STAT1: variants seen among roughly 807,000 people sequenced by gnomAD.
The protein encoded by STAT1 is signal transducer and activator of transcription 1-alpha/beta.
STAT1 carries 24 observed loss-of-function variants against 111.7 expected under a neutral mutation model. That is an observed-to-expected ratio of 0.21 (90% CI 0.16 to 0.30). The LOEUF (loss-of-function observed/expected upper bound fraction) is 0.30. Ranked by LOEUF, STAT1 falls within the 10% of genes least tolerant of loss-of-function variation. STAT1 has a pLI of 1.00. For synonymous variants in STAT1, 332 were observed against 326.5 expected (o/e 1.02, Z -0.18); for missense variants, 351 against 911.9 (o/e 0.38, Z 7.92).
chr2:191,013,398 T>A, intron 2 of STAT1, 127 bp downstream of exon 2: 2 of 373,436 alleles, frequency 5.4e-6, no homozygotes. Context: ...GTGGGGGGTC[T>A]GCAAAAACTA....
At chr2:191,013,885 C>T (rs959857312) in intron 1 of STAT1, 133 bp downstream of exon 1, 9 of 382,112 alleles carry the variant, frequency 2.4e-5, no homozygotes, top group Middle Eastern at 6.5e-4. Flanking sequence ...ACTCAGGACG[C>T]GTTCTTCCTC....
chr2:190,981,400 C>A lies in STAT1; in HGVS notation c.1583-731G>T. On this transcript the variant is annotated intron_variant, in intron 18 of 24. Coordinates refer to ENST00000361099, the MANE Select transcript of STAT1 (RefSeq NM_007315.4). This position sits in a 1 kb window ranked among gnomAD's most constrained non-coding sequence, Gnocchi z 4.1. Reference sequence around the variant, plus strand: ...CAAATCAAAAACCAAGTGAGAGAAACGAGAGGAAGAAGCCCGGGGTTATTA... The same window carrying A: ...CAAATCAAAAACCAAGTGAGAGAAAAGAGAGGAAGAAGCCCGGGGTTATTA... Among the ~76,000 whole-genome samples, 1 of 152,298 alleles carries A rather than the reference C, an allele frequency of 6.6e-6. No homozygotes were observed. The highest frequency in any genetic ancestry group is 1.5e-5 in the Non-Finnish European group (1 of 68,020).
rs1691877497 is a variant in STAT1 at position 190,975,973 on chromosome 2, T to C, written c.2060-86A>G. On this transcript the variant is annotated intron_variant, in intron 22 of 24. Transcript: ENST00000361099. This position sits in a 1 kb window ranked among gnomAD's most constrained non-coding sequence, Gnocchi z 5.9. ...CAACTTTTCGGGGGGATTAAAGTTC[T>C]ACTGTGTTTCTAGACAGCTTAGCCT... 8.3e-7 allele frequency: 1 copy of C among 1,205,100 alleles called. No homozygotes were observed. 74.7% of individuals were successfully genotyped at this position (1,205,100 alleles called of 1,614,324 possible). A position where few individuals can be genotyped will look rare whatever the true frequency, so the allele number is the denominator to read the frequency against.
chr2:190,988,863 A>G (rs1693080722), intron 12 of STAT1, among the ~76,000 whole-genome samples: 1 of 152,030 alleles, frequency 6.6e-6, no homozygotes, highest in African/African-American at 2.4e-5. Context: ...AAACTTGCCA[A>G]AACAGTATGT....
chr2:191,000,706 G>A lies in STAT1; in HGVS notation c.462+368C>T, dbSNP rs1382502366. 6.6e-6 allele frequency among the ~76,000 whole-genome samples: 1 copy of A among 152,150 alleles called. No individual in the cohort carries two copies. Among genetic ancestry groups the A allele is most frequent in the African/African-American group, 2.4e-5 (1 of 41,428 alleles). ...TTCCAAGTCTTAGGATAAAACAGATGACTGGGAAGGATGGGCCATGTTTAT... is the reference window on the plus strand; with the variant it reads ...TTCCAAGTCTTAGGATAAAACAGATAACTGGGAAGGATGGGCCATGTTTAT... On this transcript the variant is annotated intron_variant, in intron 6 of 24. Coordinates refer to ENST00000361099, the MANE Select transcript of STAT1 (RefSeq NM_007315.4). This position sits in a 1 kb window ranked among gnomAD's most constrained non-coding sequence, Gnocchi z 4.8.
In STAT1 at chr2:191,006,500, G is replaced by C. The variant is rs547801182; in HGVS notation, c.372+1063C>G. On this transcript the variant is annotated intron_variant, in intron 5 of 24. Coordinates refer to ENST00000361099, the MANE Select transcript of STAT1 (RefSeq NM_007315.4). This position sits in a 1 kb window ranked among gnomAD's most constrained non-coding sequence, Gnocchi z 4.6. ...GGGACAAATGCTCAGGCAGTGTGTG[G>C]AGAATGGCATCCTCCACCACACCTA... Among the ~76,000 whole-genome samples, 1 of 152,306 alleles carries C rather than the reference G, an allele frequency of 6.6e-6. No individual in the cohort carries two copies. Among genetic ancestry groups the C allele is most frequent in the African/African-American group, 2.4e-5 (1 of 41,568 alleles).
chr2:190,998,744 C>G lies in STAT1; in HGVS notation c.542-436G>C, dbSNP rs1207446370. 6.6e-6 allele frequency among the ~76,000 whole-genome samples: 1 copy of G among 150,824 alleles called. No homozygotes were observed. The highest frequency in any genetic ancestry group is 2.4e-5 in the African/African-American group (1 of 41,110). On this transcript the variant is annotated intron_variant, in intron 7 of 24. Coordinates refer to ENST00000361099, the MANE Select transcript of STAT1 (RefSeq NM_007315.4). This position sits in a 1 kb window ranked among gnomAD's most constrained non-coding sequence, Gnocchi z 4.1. ...TGTAAATCAGACATAGTAGTATCTG[C>G]CACTTAAGACACTGTCAGGTAATTA...
Position 190,999,019 on chromosome 2 carries a change from C to G in STAT1, c.541+607G>C, listed in dbSNP as rs983637861. On this transcript the variant is annotated intron_variant, in intron 7 of 24. Transcript: ENST00000361099. The surrounding 1 kb of genome is among the most constrained non-coding windows in gnomAD (Gnocchi z 4.1). The stretch of plus-strand genomic sequence containing the variant: ...ATACCCCAGATGATGAATAGAGTAA[C>G]AGCAGTACCCTACGTGTCCTACACA... Among the ~76,000 whole-genome samples the G allele has an allele frequency of 2.6e-5, 4 of 152,128 alleles. No individual in the cohort carries two copies. Among genetic ancestry groups the G allele is most frequent in the African/African-American group, 9.7e-5 (4 of 41,426 alleles).
In STAT1 at chr2:190,975,626, CTT is replaced by C. The variant is rs397840071; in HGVS notation, c.2135+184_2135+185del. On this transcript the variant is annotated intron_variant, in intron 23 of 24. Coordinates refer to ENST00000361099, the MANE Select transcript of STAT1 (RefSeq NM_007315.4). This position sits in a 1 kb window ranked among gnomAD's most constrained non-coding sequence, Gnocchi z 5.9. ...CCTTAAATACAAATTTGGTTTTTGG[CTT>C]TTTTTTTTTTTTTAAAGTAGTAAAA... 9,055 of 1,272,938 alleles carry C rather than the reference CTT, an allele frequency of 7.1e-3. No individual in the cohort carries two copies. Among genetic ancestry groups the C allele is most frequent in the East Asian group, 0.016 (532 of 34,162 alleles). 78.9% of individuals were successfully genotyped at this position (1,272,938 alleles called of 1,614,324 possible). A position where few individuals can be genotyped will look rare whatever the true frequency, so the allele number is the denominator to read the frequency against.
rs186274282 is a variant in STAT1 at position 190,973,091 on chromosome 2, G to C, written c.2238+1739C>G. Among the ~76,000 whole-genome samples the C allele has an allele frequency of 6.6e-6, 1 of 152,220 alleles. No homozygotes were observed. The highest frequency in any genetic ancestry group is 1.9e-4 in the East Asian group (1 of 5,180). On this transcript the variant is annotated intron_variant, in intron 24 of 24. Coordinates refer to ENST00000361099, the MANE Select transcript of STAT1 (RefSeq NM_007315.4). The surrounding 1 kb of genome is among the most constrained non-coding windows in gnomAD (Gnocchi z 4.4). Reference sequence around the variant, plus strand: ...ATAATGGTGATGACAGAGATGGAATGCTGATTGCCAAATCCCAAACACATA... The same window carrying C: ...ATAATGGTGATGACAGAGATGGAATCCTGATTGCCAAATCCCAAACACATA...
Position 190,979,439 on chromosome 2 carries a change from A to T in STAT1, c.1727+333T>A, listed in dbSNP as rs930086311. The stretch of plus-strand genomic sequence containing the variant: ...CTGGCAATAAGTCAAGATAGAAATG[A>T]TTTACCCAGTTAAAAGGGTTTTTCT... On this transcript the variant is annotated intron_variant, in intron 20 of 24. Transcript: ENST00000361099. The surrounding 1 kb of genome is among the most constrained non-coding windows in gnomAD (Gnocchi z 5.8). Among the ~76,000 whole-genome samples the T allele has an allele frequency of 2.6e-5, 4 of 152,198 alleles. No homozygotes were observed. The highest frequency in any genetic ancestry group is 9.7e-5 in the African/African-American group (4 of 41,450).
rs1694689368 is a variant in STAT1 at position 191,006,297 on chromosome 2, C to G, written c.372+1266G>C. 6.6e-6 allele frequency among the ~76,000 whole-genome samples: 1 copy of G among 152,218 alleles called. No individual in the cohort carries two copies. Among genetic ancestry groups the G allele is most frequent in the Non-Finnish European group, 1.5e-5 (1 of 68,038 alleles). ...CTTTCAGAGGAGACAACCTGGCCAGCTTCTCCTCCAGCGTTGATATACACC... is the reference window on the plus strand; with the variant it reads ...CTTTCAGAGGAGACAACCTGGCCAGGTTCTCCTCCAGCGTTGATATACACC... On this transcript the variant is annotated intron_variant, in intron 5 of 24. Transcript: ENST00000361099. This position sits in a 1 kb window ranked among gnomAD's most constrained non-coding sequence, Gnocchi z 4.6.
In STAT1 at chr2:190,996,682, T is replaced by A. The variant is rs1223545028; in HGVS notation, c.785+1174A>T. Among the ~76,000 whole-genome samples the A allele has an allele frequency of 6.6e-6, 1 of 152,200 alleles. No individual in the cohort carries two copies. The highest frequency in any genetic ancestry group is 1.9e-4 in the East Asian group (1 of 5,196). On this transcript the variant is annotated intron_variant, in intron 9 of 24. Transcript: ENST00000361099. The surrounding 1 kb of genome is among the most constrained non-coding windows in gnomAD (Gnocchi z 4.5). ...GAAATCTGGGGTACCTACAGGCAAT[T>A]CACAGAACAAAAATAAATGGCTGAA...
chr2:190,975,016 C>T lies in STAT1; in HGVS notation c.2136-84G>A. ...CATACTTACACACTTTATCTTTTGT[C>T]TGTAATTGAATTATCACGTTATATT... is the stretch of plus-strand genomic sequence containing the variant. On this transcript the variant is annotated intron_variant, in intron 23 of 24. Transcript: ENST00000361099. The surrounding 1 kb of genome is among the most constrained non-coding windows in gnomAD (Gnocchi z 5.9). The T allele has an allele frequency of 9.6e-7, 1 of 1,041,184 alleles. No individual in the cohort carries two copies. Among genetic ancestry groups the T allele is most frequent in the Non-Finnish European group, 1.5e-6 (1 of 675,188 alleles). The allele number at this position is 1,041,184 out of a possible 1,614,324, so 64.5% of individuals were successfully genotyped here.
intron 10 of STAT1, chr2:190,992,925 G>C (rs1197937081): frequency 3.7e-6 from 1 of 268,442 alleles, no homozygotes; most frequent in Admixed American, 5.3e-5. Flanking sequence ...AAGTAGCTGG[G>C]ATTACAGGCG....
In STAT1 at chr2:190,973,255, G is replaced by C. The variant is rs536346488; in HGVS notation, c.2238+1575C>G. On this transcript the variant is annotated intron_variant, in intron 24 of 24. Transcript: ENST00000361099. The surrounding 1 kb of genome is among the most constrained non-coding windows in gnomAD (Gnocchi z 4.4). Reference sequence around the variant, plus strand: ...TTGTGGGAGGCTTTCCAGGATACCGGACAAAAGCATGCACTAGAGACTCAC... The same window carrying C: ...TTGTGGGAGGCTTTCCAGGATACCGCACAAAAGCATGCACTAGAGACTCAC... Among the ~76,000 whole-genome samples, 1 of 152,256 alleles carries C rather than the reference G, an allele frequency of 6.6e-6. No homozygotes were observed. Among genetic ancestry groups the C allele is most frequent in the East Asian group, 1.9e-4 (1 of 5,178 alleles).
In STAT1 at chr2:190,983,446, G is replaced by GA. The variant is rs539056179; in HGVS notation, c.1446+195dup. ...ACTGCCCTAGCTTACCCACATGGGA[G>GA]AAAAAACGTAATTCTCATTTCAAAT... On this transcript the variant is annotated intron_variant, in intron 17 of 24. Transcript: ENST00000361099. The surrounding 1 kb of genome is among the most constrained non-coding windows in gnomAD (Gnocchi z 5.7). Among the ~76,000 whole-genome samples the GA allele has an allele frequency of 1.1e-4, 17 of 152,310 alleles. No homozygotes were observed. The East Asian group carries it at 3.3e-3, about 29-fold the overall frequency.
chr2:191,007,097 A>G lies in STAT1; in HGVS notation c.372+466T>C, dbSNP rs907791155. ...AACATAAGGATCCTTCTATATTGGTATCACATCCAAAGCATAACCTGAATC... is the reference window on the plus strand; with the variant it reads ...AACATAAGGATCCTTCTATATTGGTGTCACATCCAAAGCATAACCTGAATC... On this transcript the variant is annotated intron_variant, in intron 5 of 24. Coordinates refer to ENST00000361099, the MANE Select transcript of STAT1 (RefSeq NM_007315.4). This position sits in a 1 kb window ranked among gnomAD's most constrained non-coding sequence, Gnocchi z 4.2. Among the ~76,000 whole-genome samples the G allele has an allele frequency of 7.9e-5, 12 of 152,172 alleles. No individual in the cohort carries two copies. Among genetic ancestry groups the G allele is most frequent in the African/African-American group, 2.7e-4 (11 of 41,440 alleles).
At position 190,987,560 on chromosome 2, in the gene STAT1, T is replaced by G. The variant is rs1010114894; in HGVS notation, c.1098-492A>C. ...GCCAATGTGACCATTTAATTCTCAT[T>G]TTTATTCTCTATGATCTTTAATGCT... On this transcript the variant is annotated intron_variant, in intron 12 of 24. Coordinates refer to ENST00000361099, the MANE Select transcript of STAT1 (RefSeq NM_007315.4). This position sits in a 1 kb window ranked among gnomAD's most constrained non-coding sequence, Gnocchi z 4.0. Among the ~76,000 whole-genome samples the G allele has an allele frequency of 6.6e-5, 10 of 152,190 alleles. No individual in the cohort carries two copies. Among genetic ancestry groups the G allele is most frequent in the Non-Finnish European group, 1.5e-4 (10 of 68,028 alleles).
Sources: gnomAD v4.1 joint callset for allele counts (sites outside exome capture counted in the v4.1 genomes callset) on GRCh38, gnomAD v4.1.1 for gene constraint, Gnocchi (gnomAD v3.1) non-coding constraint, MANE v1.5 for transcripts, NCBI Gene and HGNC (gene_info 2026-07-23, HGNC 2026-07-21) for gene names.